Variants in PREX1 observed in about 807,000 individuals in gnomAD.
PREX1 encodes the protein phosphatidylinositol 3,4,5-trisphosphate-dependent Rac exchanger 1 protein.
PREX1 carries 41 observed loss-of-function variants against 198.3 expected under a neutral mutation model. That is an observed-to-expected ratio of 0.21 (90% CI 0.16 to 0.27). PREX1 has a LOEUF of 0.27. PREX1 is among the 10% of genes least tolerant of loss of function. The probability of loss-of-function intolerance (pLI) is 1.00; values close to 1 mark genes in which losing one functional copy is unlikely to be tolerated. For missense variants in PREX1, 1,620 were observed against 2,200.7 expected, an observed-to-expected ratio of 0.74 and a Z score of 5.28; for synonymous variants, 843 against 887.2, an observed-to-expected ratio of 0.95 and a Z score of 0.89.
chr20:48,638,713 C>A (rs1318311839), intron 30 of PREX1, among the ~76,000 whole-genome samples: 1 of 152,170 alleles, frequency 6.6e-6, no homozygotes, highest in Non-Finnish European at 1.5e-5. Flanking sequence ...CCAGGAGTCA[C>A]CACGCCAGGC....
At chr20:48,771,537 C>T (rs528890974) in intron 1 of PREX1, among the ~76,000 whole-genome samples, 20 of 151,722 alleles carry the variant, frequency 1.3e-4, no homozygotes, top group Non-Finnish European at 2.8e-4. Flanking sequence ...TTTGGGAGGC[C>T]GAGGCAGGTG....
At chr20:48,832,228 T>TG (rs1438593235), upstream of PREX1, among the ~76,000 whole-genome samples, 1 of 152,104 alleles carries the variant, frequency 6.6e-6, no homozygotes, top group Non-Finnish European at 1.5e-5. Context: ...TTGCAAATAG[T>TG]GGGAAATACC....
chr20:48,653,614 A>C, intron 19 of PREX1, 117 bp from the exon 20 acceptor site: 3 of 1,271,242 alleles, frequency 2.4e-6, no homozygotes, highest in South Asian at 1.5e-5. Flanking sequence ...CTCCACCTCC[A>C]CCCCTCCCAC....
intron 1 of PREX1, among the ~76,000 whole-genome samples, chr20:48,820,599 T>C (rs1600535805): frequency 1.3e-5 from 2 of 152,276 alleles, no homozygotes; most frequent in Middle Eastern, 6.8e-3. Flanking sequence ...GCACAGGTGG[T>C]AGTCAAAGGA....
chr20:48,744,033 T>TAA (rs2090095997), intron 3 of PREX1, among the ~76,000 whole-genome samples: 1 of 140,638 alleles, frequency 7.1e-6, no homozygotes, highest in Non-Finnish European at 1.6e-5. Context: ...ATGATGATGA[T>TAA]GAGTTAACAG....
chr20:48,717,806 C>A (rs939079713), intron 5 of PREX1, among the ~76,000 whole-genome samples: 8 of 152,132 alleles, frequency 5.3e-5, no homozygotes, highest in African/African-American at 2.4e-5. Flanking sequence ...GAAGAGGGTT[C>A]CTATCAGGAA....
the PREX1 span, among the ~76,000 whole-genome samples, chr20:48,874,704 C>T: frequency 3.3e-5 from 5 of 151,778 alleles, no homozygotes; most frequent in East Asian, 5.8e-4. Context: ...TGGTAAAACC[C>T]GGTCTCTACT....
intron 29 of PREX1, among the ~76,000 whole-genome samples, chr20:48,640,334 A>G (rs1445217130): frequency 1.3e-5 from 2 of 152,214 alleles, no homozygotes; most frequent in Non-Finnish European, 2.9e-5. Context: ...TGGGAAAGTG[A>G]CATGCCTTAA....
At chr20:48,660,084 T>G (rs2122936945) in intron 15 of PREX1, 23 bp from the exon 16 acceptor site, 1 of 1,608,724 alleles carries the variant, frequency 6.2e-7, no homozygotes, top group East Asian at 2.2e-5. Context: ...AGATGTGCAC[T>G]CAGTGGTCAG....
chr20:48,858,070 C>T, the PREX1 span, among the ~76,000 whole-genome samples: 2 of 152,334 alleles, frequency 1.3e-5, no homozygotes, highest in African/African-American at 2.4e-5. Context: ...CAGGCCTTCC[C>T]GGCCACTGTA....
At chr20:48,826,083 AC>A (rs890996811) in intron 1 of PREX1, among the ~76,000 whole-genome samples, 2 of 151,782 alleles carry the variant, frequency 1.3e-5, no homozygotes, top group Non-Finnish European at 2.9e-5. Context: ...CTGATCTCAC[AC>A]AGCCTCAGCT....
chr20:48,674,104 A>G (rs2122995024), intron 14 of PREX1, among the ~76,000 whole-genome samples: 1 of 152,324 alleles, frequency 6.6e-6, no homozygotes, highest in Non-Finnish European at 1.5e-5. Flanking sequence ...GTGTGGTACA[A>G]TGGTTAGCAG....
At chr20:48,836,370 C>T in the PREX1 span, among the ~76,000 whole-genome samples, 1 of 152,142 alleles carries the variant, frequency 6.6e-6, no homozygotes, top group Non-Finnish European at 1.5e-5. Context: ...AGGTCTGGGT[C>T]ACACCAGCAT....
intron 27 of PREX1, 75 bp from the exon 28 acceptor site, chr20:48,642,564 G>C (rs187097547): frequency 2.1e-4 from 270 of 1,308,604 alleles, no homozygotes; most frequent in African/African-American, 7.3e-4. Flanking sequence ...TTTCCTAAGA[G>C]GGGGATACAG....
intron 1 of PREX1, among the ~76,000 whole-genome samples, chr20:48,752,617 A>C (rs1171227201): frequency 6.6e-6 from 1 of 152,144 alleles, no homozygotes; most frequent in African/African-American, 2.4e-5. Context: ...CACTCGATGG[A>C]CACTATCTCC....
At chr20:48,775,401 G>C (rs552228049) in intron 1 of PREX1, among the ~76,000 whole-genome samples, 3 of 152,222 alleles carry the variant, frequency 2.0e-5, no homozygotes, top group Admixed American at 6.5e-5. Context: ...CTGAGACCCA[G>C]ATGAGGTAAG....
At chr20:48,683,398 AG>A (rs1269304258) in intron 10 of PREX1, among the ~76,000 whole-genome samples, 1 of 152,226 alleles carries the variant, frequency 6.6e-6, no homozygotes, top group Non-Finnish European at 1.5e-5. Flanking sequence ...TGCTGGGCAA[AG>A]CTGGGCGGGT....
chr20:48,696,286 T>C (rs559369667), intron 7 of PREX1, among the ~76,000 whole-genome samples: 20 of 152,386 alleles, frequency 1.3e-4, no homozygotes, highest in Admixed American at 1.3e-3. Context: ...TGGTATGAGA[T>C]AAGGGTCAAG....
intron 14 of PREX1, among the ~76,000 whole-genome samples, chr20:48,668,986 C>T (rs2089658038): frequency 6.6e-6 from 1 of 152,252 alleles, no homozygotes; most frequent in South Asian, 2.1e-4. Flanking sequence ...CAGGGACTCT[C>T]AGGTCAACAG....
Sources: gnomAD v4.1 joint callset for allele counts (sites outside exome capture counted in the v4.1 genomes callset) on GRCh38, gnomAD v4.1.1 for gene constraint, MANE v1.5 for transcripts, NCBI Gene and HGNC (gene_info 2026-07-23, HGNC 2026-07-21) for gene names.